The following CDC42 variants were observed in gnomAD, a reference collection of about 807,000 sequenced individuals.
CDC42 encodes the protein cell division control protein 42 homolog.
In CDC42, 1 loss-of-function variant was observed where a neutral mutation model predicts 20.8. The ratio of observed to expected loss-of-function variants is 0.05; its 90% CI spans 0.02 to 0.23. The LOEUF (loss-of-function observed/expected upper bound fraction) is 0.23, where lower values mean the gene tolerates loss of function less well. Among genes scored for constraint, CDC42 ranks in the 10% least tolerant of loss-of-function variants. CDC42 has a pLI of 1.00. For missense variants in CDC42, 49 were observed against 227.9 expected (o/e 0.21, Z 5.05); for synonymous variants, 72 against 84.8 (o/e 0.85, Z 0.83).
intron 1 of CDC42, among the ~76,000 whole-genome samples, chr1:22,078,065 GGT>G (rs781739132): frequency 2.0e-5 from 3 of 152,162 alleles, no homozygotes; most frequent in Non-Finnish European, 2.9e-5. Flanking sequence ...CATACATACA[GGT>G]GTGTGTGCAC....
chr1:22,054,391 T>G (rs377552901), intron 1 of CDC42, among the ~76,000 whole-genome samples: 39 of 152,134 alleles, frequency 2.6e-4, no homozygotes, highest in African/African-American at 8.9e-4. Flanking sequence ...AATTTTTGTA[T>G]TTTTTGTACA....
chr1:22,091,389 A>G, intron 5 of CDC42, 39 bp from the exon 6 acceptor site: 1 of 1,324,000 alleles, frequency 7.6e-7, no homozygotes, highest in South Asian at 1.2e-5. Flanking sequence ...ATTATACTGA[A>G]AATCAGACCG....
At chr1:22,065,958 C>A (rs966526558) in intron 1 of CDC42, among the ~76,000 whole-genome samples, 1 of 152,176 alleles carries the variant, frequency 6.6e-6, no homozygotes, top group East Asian at 1.9e-4. Context: ...CGGGATTTCA[C>A]CATGTTGGCT....
intron 1 of CDC42, among the ~76,000 whole-genome samples, chr1:22,073,273 G>A (rs980200340): frequency 1.3e-5 from 2 of 152,058 alleles, no homozygotes; most frequent in Admixed American, 6.6e-5. Flanking sequence ...GCAATGGCTC[G>A]TGCCTGTAAT....
intron 1 of CDC42, among the ~76,000 whole-genome samples, chr1:22,063,016 T>G (rs888418166): frequency 1.3e-5 from 2 of 152,118 alleles, no homozygotes. Flanking sequence ...GGCACAATAT[T>G]GATACTCCTA....
rs1645769458 is a variant in CDC42 at position 22,098,180 on chromosome 1, A to AT, written c.*6667dup. ...CTACATTTTGAACAAGCATCTTTTT[A>AT]TTTTGATGAAGTTTGCATTATTACT... On this transcript the variant is annotated 3_prime_UTR_variant, in exon 6 of 6. Coordinates refer to ENST00000656825, the MANE Select transcript of CDC42 (RefSeq NM_001791.4). Among the ~76,000 whole-genome samples, 1 of 152,050 alleles carries AT rather than the reference A, an allele frequency of 6.6e-6. No homozygotes were observed.
At chr1:22,069,862 T>C (rs1017000898) in intron 1 of CDC42, among the ~76,000 whole-genome samples, 1 of 152,074 alleles carries the variant, frequency 6.6e-6, no homozygotes, top group East Asian at 1.9e-4. Flanking sequence ...GGCATAATCT[T>C]GGCTTACTTG....
Position 22,076,430 on chromosome 1 carries a change from C to CAT in CDC42, c.-50-1997_-50-1996dup, listed in dbSNP as rs566307154. Reference sequence around the variant, plus strand: ...CAGAGATCACGCCACTGCACTGACACATACACACACACACACACACAACAA... The same window carrying CAT: ...CAGAGATCACGCCACTGCACTGACACATATACACACACACACACACACAACAA... On this transcript the variant is annotated intron_variant, in intron 1 of 5. Transcript: ENST00000656825. Among the ~76,000 whole-genome samples the CAT allele has an allele frequency of 2.4e-4, 37 of 151,862 alleles. 1 individual carries two copies. The South Asian group carries it at 7.5e-3, about 31-fold the overall frequency.
rs896881594 is a variant in CDC42 at position 22,091,746 on chromosome 1, T to C, written c.*229T>C. 3 of 282,084 alleles carry C rather than the reference T, an allele frequency of 1.1e-5. No individual in the cohort carries two copies. Among genetic ancestry groups the C allele is most frequent in the Admixed American group, 5.3e-5 (1 of 18,920 alleles). 17.5% of individuals were successfully genotyped at this position (282,084 alleles called of 1,614,324 possible). On this transcript the variant is annotated 3_prime_UTR_variant, in exon 6 of 6. Coordinates refer to ENST00000656825, the MANE Select transcript of CDC42 (RefSeq NM_001791.4). ...ATTGTATTGTCAGAAAAGTGATTAG[T>C]ACTATTTTTTTTTGTTGTTTCAAAA...
chr1:22,086,930 C>A, intron 5 of CDC42, 64 bp downstream of exon 5: 1 of 1,355,766 alleles, frequency 7.4e-7, no homozygotes, highest in Non-Finnish European at 1.1e-6. Flanking sequence ...CATTAGGATA[C>A]AGGAGTTATT....
intron 1 of CDC42, among the ~76,000 whole-genome samples, chr1:22,061,524 GTTTCTTTCTTTTT>G (rs1645363209): frequency 2.5e-5 from 1 of 40,648 alleles, no homozygotes; most frequent in Admixed American, 3.0e-4. Context: ...TTAACTTCAT[GTTTCTTTCTTTTT>G]TTTTTTTTTT....
intron 3 of CDC42, 137 bp from the exon 4 acceptor site, chr1:22,086,302 C>G (rs922230721): frequency 3.5e-6 from 2 of 573,286 alleles, no homozygotes; most frequent in African/African-American, 3.7e-5. Flanking sequence ...GAATATTGCC[C>G]ACATATTATA....
chr1:22,090,003 C>A, intron 5 of CDC42: 1 of 1,614,034 alleles, frequency 6.2e-7, no homozygotes, highest in Non-Finnish European at 8.5e-7. Flanking sequence ...TCCGGAAACT[C>A]AACCCAAAAG....
At chr1:22,053,703 T>TTAAAA (rs1236258039) in intron 1 of CDC42, among the ~76,000 whole-genome samples, 1 of 152,190 alleles carries the variant, frequency 6.6e-6, no homozygotes, top group Non-Finnish European at 1.5e-5. Context: ...AAACAGCATT[T>TTAAAA]TGCAGCCTTA....
At chr1:22,073,677 T>A (rs952450280) in intron 1 of CDC42, among the ~76,000 whole-genome samples, 1 of 152,212 alleles carries the variant, frequency 6.6e-6, no homozygotes, top group Non-Finnish European at 1.5e-5. Context: ...AAAAAAAATA[T>A]TTGAGACAGG....
chr1:22,077,335 G>A (rs534975948), intron 1 of CDC42, among the ~76,000 whole-genome samples: 1 of 152,270 alleles, frequency 6.6e-6, no homozygotes, highest in South Asian at 2.1e-4. Flanking sequence ...AGTGGTGCAT[G>A]AGGTAGTATA....
At chr1:22,065,181 GATTGAAAGC>G (rs564841993) in intron 1 of CDC42, among the ~76,000 whole-genome samples, 12 of 152,212 alleles carry the variant, frequency 7.9e-5, no homozygotes, top group Non-Finnish European at 1.6e-4. Flanking sequence ...AGGGCTGCTT[GATTGAAAGC>G]ATATGCCCTT....
At chr1:22,082,478 C>T (rs1037589968) in intron 3 of CDC42, among the ~76,000 whole-genome samples, 4 of 152,200 alleles carry the variant, frequency 2.6e-5, no homozygotes, top group African/African-American at 9.7e-5. Context: ...TTCTTGTTTT[C>T]AAGAGTGGCT....
intron 4 of CDC42, 54 bp downstream of exon 4, chr1:22,086,602 A>C: frequency 6.3e-7 from 1 of 1,584,392 alleles, no homozygotes; most frequent in Admixed American, 1.7e-5. Flanking sequence ...ATTTCTACTG[A>C]CCTGTTATAA....
Sources: gnomAD v4.1 joint callset for allele counts (sites outside exome capture counted in the v4.1 genomes callset) on GRCh38, gnomAD v4.1.1 for gene constraint, MANE v1.5 for transcripts, NCBI Gene and HGNC (gene_info 2026-07-23, HGNC 2026-07-21) for gene names.